C5: variants seen among roughly 807,000 people sequenced by gnomAD.
C5 encodes the protein complement C5, also known as C3 and PZP-like alpha-2-macroglobulin domain-containing protein 4.
C5 carries 140 observed loss-of-function variants against 218.8 expected under a neutral mutation model. The ratio of observed to expected loss-of-function variants is 0.64; its 90% CI spans 0.56 to 0.74. The LOEUF (loss-of-function observed/expected upper bound fraction) is 0.74. Among genes scored for constraint, C5 ranks in the 30% least tolerant of loss-of-function variants. The probability of loss-of-function intolerance (pLI) is 0.00; values close to 1 mark genes in which losing one functional copy is unlikely to be tolerated. For synonymous variants in C5, 614 were observed against 682.3 expected (o/e 0.90, Z 1.56); for missense variants, 1,700 against 1,969.6 (o/e 0.86, Z 2.59).
At chr9:121,053,337 C>T (rs368631269), upstream of C5, among the ~76,000 whole-genome samples, 6 of 152,272 alleles carry the variant, frequency 3.9e-5, no homozygotes, top group East Asian at 9.6e-4. Flanking sequence ...GAGAAAGGCT[C>T]TACTAAAAGG....
At chr9:121,004,116 G>C (rs1239557272) in intron 20 of C5, among the ~76,000 whole-genome samples, 3 of 152,004 alleles carry the variant, frequency 2.0e-5, no homozygotes, top group African/African-American at 7.2e-5. Context: ...TGATCCACCC[G>C]CCTCGGCCTC....
rs71370614 is a variant in C5 at position 121,002,316 on chromosome 9, GTA to G, written c.2562+3601_2562+3602del. Among the ~76,000 whole-genome samples, 747 of 87,290 alleles carry G rather than the reference GTA, an allele frequency of 8.6e-3. 18 individuals carry two copies. Among genetic ancestry groups the G allele is most frequent in the African/African-American group, 0.025 (557 of 22,428 alleles). The allele number at this position is 87,290 out of a possible 152,430, so 57.3% of individuals were successfully genotyped here. ...TATATATGTATATATATATGTGTGT[GTA>G]TATATATATATATATATATATATAC... On this transcript the variant is annotated intron_variant, in intron 20 of 40. Coordinates refer to ENST00000223642, the MANE Select transcript of C5 (RefSeq NM_001735.3).
chr9:121,013,354 A>G (rs1362686675), intron 17 of C5, among the ~76,000 whole-genome samples: 1 of 151,890 alleles, frequency 6.6e-6, no homozygotes, highest in Non-Finnish European at 1.5e-5. Flanking sequence ...ATAAAGTCCT[A>G]AAAGTTCTGA....
intron 12 of C5, among the ~76,000 whole-genome samples, 174 bp downstream of exon 12, chr9:121,019,801 TG>T (rs1271358923): frequency 1.3e-5 from 2 of 152,220 alleles, no homozygotes; most frequent in Non-Finnish European, 2.9e-5. Flanking sequence ...GAAATGGTCA[TG>T]AAAATCATGC....
chr9:120,996,135 G>T, intron 22 of C5, 105 bp downstream of exon 22: 1 of 942,960 alleles, frequency 1.1e-6, no homozygotes, highest in Non-Finnish European at 1.7e-6. Flanking sequence ...GGATACTACT[G>T]ATTTTAGACA....
rs752922476 is a variant in C5 at position 121,037,986 on chromosome 9, T to C, written c.422-35A>G. 4 of 963,644 alleles carry C rather than the reference T, an allele frequency of 4.2e-6. No individual in the cohort carries two copies. The Admixed American group carries it at 8.2e-5, about 20-fold the overall frequency. The allele number at this position is 963,644 out of a possible 1,614,324, so 59.7% of individuals were successfully genotyped here. A position where few individuals can be genotyped will look rare whatever the true frequency, so the allele number is the denominator to read the frequency against. ...TAATTGATATAATCAAAAACTCTGC[T>C]AAAAACAAGGATATTTTGATTTTTT... On this transcript the variant is annotated intron_variant, in intron 3 of 40. Coordinates refer to ENST00000223642, the MANE Select transcript of C5 (RefSeq NM_001735.3).
chr9:121,040,989 C>T (rs1243714643), intron 3 of C5, among the ~76,000 whole-genome samples: 1 of 147,952 alleles, frequency 6.8e-6, no homozygotes, highest in Non-Finnish European at 1.5e-5. Flanking sequence ...TGCTCTGTTG[C>T]CCAGGCTGGA....
the C5 span, among the ~76,000 whole-genome samples, chr9:121,069,875 G>A: frequency 3.3e-5 from 5 of 152,150 alleles, no homozygotes; most frequent in Admixed American, 2.6e-4. Context: ...ATGGAGAACA[G>A]TGTGGAAGTT....
chr9:121,066,042 C>T, the C5 span, among the ~76,000 whole-genome samples: 5 of 151,994 alleles, frequency 3.3e-5, no homozygotes, highest in Non-Finnish European at 5.9e-5. Context: ...AGGTTGGGCG[C>T]GGTGTCTCAC....
chr9:121,027,131 G>C (rs1371820312), intron 8 of C5, 29 bp downstream of exon 8: 1 of 1,155,916 alleles, frequency 8.7e-7, no homozygotes, highest in Non-Finnish European at 1.3e-6. Context: ...GCATCTGTAG[G>C]TGTGAGTGAC....
At chr9:120,957,974 G>T (rs2046798470) in intron 38 of C5, among the ~76,000 whole-genome samples, 1 of 152,214 alleles carries the variant, frequency 6.6e-6, no homozygotes, top group Admixed American at 6.5e-5. Context: ...CTCAGGTCTG[G>T]AAAGACCAGC....
intron 25 of C5, among the ~76,000 whole-genome samples, chr9:120,986,432 A>G (rs1216800950): frequency 6.6e-6 from 1 of 151,574 alleles, no homozygotes; most frequent in East Asian, 1.9e-4. Context: ...GCTAATATGA[A>G]TGATATTCGT....
At chr9:121,064,653 A>C in the C5 span, among the ~76,000 whole-genome samples, 1 of 152,218 alleles carries the variant, frequency 6.6e-6, no homozygotes, top group Admixed American at 6.5e-5. Context: ...TAAATTCAAA[A>C]GCATTGGTAA....
chr9:121,049,813 T>C (rs1296195438), intron 1 of C5, among the ~76,000 whole-genome samples: 1 of 152,202 alleles, frequency 6.6e-6, no homozygotes, highest in Non-Finnish European at 1.5e-5. Context: ...GATTGACTCC[T>C]AAATAACCCT....
At chr9:121,008,156 T>C (rs2047231347) in intron 18 of C5, among the ~76,000 whole-genome samples, 2 of 152,192 alleles carry the variant, frequency 1.3e-5, no homozygotes, top group African/African-American at 2.4e-5. Flanking sequence ...AGTAAATGCA[T>C]AATGAAGTCA....
At position 120,996,649 on chromosome 9, in the gene C5, T is replaced by G. The variant is rs370012238; in HGVS notation, c.2791-349A>C. 8.1e-4 allele frequency among the ~76,000 whole-genome samples: 124 copies of G among 152,346 alleles called. 1 individual carries two copies. Among genetic ancestry groups the G allele is most frequent in the African/African-American group, 2.8e-3 (118 of 41,578 alleles). On this transcript the variant is annotated intron_variant, in intron 21 of 40. Transcript: ENST00000223642. ...GACACACATGGAAATCAAGTAACAC[T>G]GTCACACTGCTAGGAGGTGATGGAG...
At chr9:120,957,144 C>T in intron 39 of C5, 141 bp downstream of exon 39, 2 of 647,494 alleles carry the variant, frequency 3.1e-6, no homozygotes, top group South Asian at 1.7e-5. Context: ...AATGTTTCTC[C>T]CCAAGTAGAA....
chr9:120,985,340 T>A (rs1190814794), intron 25 of C5, among the ~76,000 whole-genome samples: 3 of 152,172 alleles, frequency 2.0e-5, no homozygotes, highest in Non-Finnish European at 4.4e-5. Context: ...GGTCTGGGAC[T>A]AAAAATTTAG....
At position 120,982,772 on chromosome 9, in the gene C5, T is replaced by G. The variant is rs1044530767; in HGVS notation, c.3273A>C (p.Lys1091Asn). The G allele has an allele frequency of 1.2e-6, 2 of 1,600,074 alleles. No individual in the cohort carries two copies. Among genetic ancestry groups the G allele is most frequent in the African/African-American group, 2.7e-5 (2 of 74,656 alleles). ...FALRVLGQVN[K>N]YVEQNQNSIC... is the part of the protein sequence containing the mutation. ...TTGAATTTTGGTTCTGCTCTACGTA[T>G]TTATTTACTTGTCCAAGTACTCTTA... Residue 1091 changes from lysine (K) to asparagine (N), a missense_variant, in exon 26 of 41, where the codon AAA becomes AAC. Coordinates refer to ENST00000223642, the MANE Select transcript of C5 (RefSeq NM_001735.3).
Sources: gnomAD v4.1 joint callset for allele counts (sites outside exome capture counted in the v4.1 genomes callset) on GRCh38, gnomAD v4.1.1 for gene constraint, MANE v1.5 for transcripts, NCBI Gene and HGNC (gene_info 2026-07-23, HGNC 2026-07-21) for gene names.